The following ANKMY1 variants were observed in gnomAD, a reference collection of about 807,000 sequenced individuals.
The protein encoded by ANKMY1 is ankyrin repeat and MYND domain-containing protein 1.
ANKMY1 carries 98 observed loss-of-function variants against 102.0 expected under a neutral mutation model. The observed-to-expected ratio is 0.96, with a 90% CI of 0.82 to 1.14. ANKMY1 has a LOEUF of 1.14. Ranked by LOEUF, ANKMY1 falls within the 50% of genes most tolerant of loss-of-function variation. The probability of loss-of-function intolerance (pLI) is 0.00; values close to 1 mark genes in which losing one functional copy is unlikely to be tolerated. For synonymous variants in ANKMY1, 582 were observed against 559.9 expected (o/e 1.04, Z -0.56); for missense variants, 1,330 against 1,347.6 (o/e 0.99, Z 0.20).
At chr2:240,548,894 G>A (rs2090964545) in intron 4 of ANKMY1, among the ~76,000 whole-genome samples, 1 of 152,172 alleles carries the variant, frequency 6.6e-6, no homozygotes, top group Non-Finnish European at 1.5e-5. Context: ...AACATTCCAT[G>A]CTCATTGGGA....
At chr2:240,498,862 T>A (rs1045462206) in intron 15 of ANKMY1, among the ~76,000 whole-genome samples, 3 of 152,062 alleles carry the variant, frequency 2.0e-5, no homozygotes, top group African/African-American at 7.2e-5. Flanking sequence ...TCTCTCTCCC[T>A]CTCTCTCTTG....
intron 4 of ANKMY1, among the ~76,000 whole-genome samples, chr2:240,549,197 C>T (rs1203461279): frequency 8.7e-5 from 13 of 149,636 alleles, no homozygotes; most frequent in African/African-American, 2.0e-4. Context: ...ACAGAGCCCT[C>T]AGAAATAACG....
Position 240,529,010 on chromosome 2 carries a change from G to A in ANKMY1, c.953+27C>T, listed in dbSNP as rs138058633. On this transcript the variant is annotated intron_variant, in intron 5 of 17. Coordinates refer to ENST00000401804, the MANE Select transcript of ANKMY1 (RefSeq NM_001282771.3). The surrounding 1 kb of genome is among the most constrained non-coding windows in gnomAD (Gnocchi z 4.2). ...GCAGCCTGCACAGTGCACGGCCCTA[G>A]GGGAGGAGCAGTAGCAGACTAGTCA... The A allele has an allele frequency of 8.8e-3, 14,156 of 1,607,402 alleles. 71 individuals carry two copies. Among genetic ancestry groups the A allele is most frequent in the Non-Finnish European group, 0.01 (12,209 of 1,174,470 alleles).
Position 240,499,909 on chromosome 2 carries a change from G to C in ANKMY1, c.2806+49C>G, listed in dbSNP as rs12994525. 0.28 allele frequency: 436,045 copies of C among 1,553,362 alleles called. 67,635 individuals carry two copies. Among genetic ancestry groups the C allele is most frequent in the East Asian group, 0.68 (29,610 of 43,592 alleles). On this transcript the variant is annotated intron_variant, in intron 15 of 17. Coordinates refer to ENST00000401804, the MANE Select transcript of ANKMY1 (RefSeq NM_001282771.3). This position sits in a 1 kb window ranked among gnomAD's most constrained non-coding sequence, Gnocchi z 4.2. ...CAGGGATAACAGCCCCAGGCACGAG[G>C]CCGGAACGCCGCCCTGTGGAGCAGA...
intron 4 of ANKMY1, among the ~76,000 whole-genome samples, chr2:240,530,422 C>T (rs2085054478): frequency 1.3e-5 from 2 of 152,304 alleles, no homozygotes. Flanking sequence ...ATAGGGCATT[C>T]TCACGAGATC....
At chr2:240,490,770 T>G (rs978406987) in intron 15 of ANKMY1, among the ~76,000 whole-genome samples, 2 of 152,182 alleles carry the variant, frequency 1.3e-5, no homozygotes, top group African/African-American at 4.8e-5. Context: ...CTGGAGGATA[T>G]TCCATGTGCT....
chr2:240,557,419 A>G, intron 1 of ANKMY1, 67 bp from the exon 2 acceptor site: 1 of 1,400,678 alleles, frequency 7.1e-7, no homozygotes, highest in Non-Finnish European at 9.4e-7. Flanking sequence ...AGGGCGCCCG[A>G]GGCCCGGCCC....
intron 4 of ANKMY1, among the ~76,000 whole-genome samples, chr2:240,543,674 A>G (rs2089583335): frequency 6.6e-6 from 1 of 152,126 alleles, no homozygotes; most frequent in African/African-American, 2.4e-5. Flanking sequence ...AAAATGGTTA[A>G]CAAGGAAATA....
chr2:240,524,079 G>A lies in ANKMY1; in HGVS notation c.1638C>T (p.Asp546=), dbSNP rs774861679. The A allele has an allele frequency of 6.8e-6, 11 of 1,613,940 alleles. No homozygotes were observed. Among genetic ancestry groups the A allele is most frequent in the Non-Finnish European group, 9.3e-6 (11 of 1,180,052 alleles). ...TCTCAGCACTGCACAGACTGCCCCG[G>A]TCTGTGTTTCCCAACACGTCCTCAA... ...SGLEDVLGNT[D]RGSLCSAETK... is the part of the protein sequence containing the mutation. Residue 546 remains aspartate, a synonymous_variant, in exon 8 of 18, where the codon GAC becomes GAT. Coordinates refer to ENST00000401804, the MANE Select transcript of ANKMY1 (RefSeq NM_001282771.3).
chr2:240,551,148 T>C lies in ANKMY1; in HGVS notation c.480+1766A>G, dbSNP rs200103780. 2.1e-5 allele frequency among the ~76,000 whole-genome samples: 3 copies of C among 144,248 alleles called. No individual in the cohort carries two copies. The East Asian group carries it at 5.8e-4, about 28-fold the overall frequency. The allele number at this position is 144,248 out of a possible 152,430, so 94.6% of individuals were successfully genotyped here. The stretch of plus-strand genomic sequence containing the variant: ...AGCTAACAGAACACTGGAATGCTTT[T>C]TATGTTTTTTTTTTTTTTGAAATAT... On this transcript the variant is annotated intron_variant, in intron 4 of 17. Transcript: ENST00000401804.
intron 8 of ANKMY1, chr2:240,522,205 G>A (rs2082448089): frequency 6.6e-6 from 1 of 152,156 alleles, no homozygotes; most frequent in Admixed American, 6.5e-5. Context: ...GCATTGATTG[G>A]TGCATTTACA....
At chr2:240,512,652 G>C (rs780227200) in intron 10 of ANKMY1, 150 bp downstream of exon 10, 1 of 1,087,886 alleles carries the variant, frequency 9.2e-7, no homozygotes, top group East Asian at 3.0e-5. Context: ...TCATCTGGAC[G>C]GGTTGTTTCT....
At chr2:240,469,422 TGG>T in the ANKMY1 span, among the ~76,000 whole-genome samples, 1 of 152,214 alleles carries the variant, frequency 6.6e-6, no homozygotes, top group Non-Finnish European at 1.5e-5. Flanking sequence ...CAGCCAGGGC[TGG>T]CTCTCAGTCC....
chr2:240,554,329 C>T (rs1027292255), intron 3 of ANKMY1: 2 of 153,166 alleles, frequency 1.3e-5, no homozygotes, highest in African/African-American at 2.4e-5. Context: ...AGAACCCCCT[C>T]GTGGAGATGG....
chr2:240,499,723 C>G lies in ANKMY1; in HGVS notation c.2806+235G>C, dbSNP rs2077836050. 2.0e-5 allele frequency among the ~76,000 whole-genome samples: 3 copies of G among 152,026 alleles called. No individual in the cohort carries two copies. In the South Asian group the frequency reaches 6.2e-4, roughly 31 times the overall value. On this transcript the variant is annotated intron_variant, in intron 15 of 17. Coordinates refer to ENST00000401804, the MANE Select transcript of ANKMY1 (RefSeq NM_001282771.3). This position sits in a 1 kb window ranked among gnomAD's most constrained non-coding sequence, Gnocchi z 4.2. ...GGCCCCTCTGACCTGGGCCCTGGCCCTAGGCCACCAACTCCTCTTCCCAGG... is the reference window on the plus strand; with the variant it reads ...GGCCCCTCTGACCTGGGCCCTGGCCGTAGGCCACCAACTCCTCTTCCCAGG...
chr2:240,557,012 T>C (rs1575401255), intron 2 of ANKMY1, among the ~76,000 whole-genome samples, 178 bp downstream of exon 2: 1 of 102,928 alleles, frequency 9.7e-6, no homozygotes, highest in Admixed American at 9.7e-5. Context: ...TTACCATCTA[T>C]TGTCGTTTTC....
In ANKMY1 at chr2:240,512,825, C is replaced by T. The variant is rs1166842455; in HGVS notation, c.2122G>A (p.Asp708Asn). 1.9e-6 allele frequency: 3 copies of T among 1,613,920 alleles called. No individual in the cohort carries two copies. The highest frequency in any genetic ancestry group is 2.5e-6 in the Non-Finnish European group (3 of 1,179,996). The change falls in exon 10 of 18, where the codon GAC becomes AAC. Residue 708 changes from aspartate (D) to asparagine (N), a missense_variant. Coordinates refer to ENST00000401804, the MANE Select transcript of ANKMY1 (RefSeq NM_001282771.3). ...ACCTTGCCGGGCTTGTAAGTGTCGT[C>T]CTCGTCGGATGCCTTGGCGTCCACA... ...TDVDAKASDE[D>N]DTYKPGKLDL...
At chr2:240,512,772 A>C (rs1335628784) in intron 10 of ANKMY1, 30 bp downstream of exon 10, 1 of 1,595,876 alleles carries the variant, frequency 6.3e-7, no homozygotes, top group East Asian at 2.3e-5. Context: ...CCAAGGCCCC[A>C]TACCCCTATC....
intron 15 of ANKMY1, among the ~76,000 whole-genome samples, chr2:240,491,944 A>G (rs1166938877): frequency 6.6e-6 from 1 of 152,084 alleles, no homozygotes; most frequent in African/African-American, 2.4e-5. Flanking sequence ...CTGACTGTCT[A>G]TATCTCTTCC....
Sources: gnomAD v4.1 joint callset for allele counts (sites outside exome capture counted in the v4.1 genomes callset) on GRCh38, gnomAD v4.1.1 for gene constraint, Gnocchi (gnomAD v3.1) non-coding constraint, MANE v1.5 for transcripts, NCBI Gene and HGNC (gene_info 2026-07-23, HGNC 2026-07-21) for gene names.